FAM234A: variants seen among roughly 807,000 people sequenced by gnomAD.
The protein encoded by FAM234A is family with sequence similarity 234 member A.
FAM234A carries 42 observed loss-of-function variants against 49.1 expected under a neutral mutation model. The observed-to-expected ratio is 0.86, with a 90% confidence interval of 0.67 to 1.11. The LOEUF is 1.11. Ranked by LOEUF, FAM234A falls within the 50% of genes least tolerant of loss-of-function variation. FAM234A has a pLI of 0.00. For missense variants in FAM234A, 815 were observed against 745.2 expected, an observed-to-expected ratio of 1.09 and a Z score of -1.09; for synonymous variants, 369 against 316.2, an observed-to-expected ratio of 1.17 and a Z score of -1.77.
chr16:268,967 G>A, downstream of FAM234A: 2 of 1,546,022 alleles, frequency 1.3e-6, no homozygotes, highest in South Asian at 1.2e-5. Flanking sequence ...GACCAGAGAA[G>A]GTGGAGCTCC....
At chr16:238,782 A>AAAAAG (rs1168947575) in intron 1 of FAM234A, among the ~76,000 whole-genome samples, 1 of 137,484 alleles carries the variant, frequency 7.3e-6, no homozygotes, top group African/African-American at 2.8e-5. Flanking sequence ...AAAAAAAAAA[A>AAAAAG]AAAAGAAAAA....
chr16:266,170 T>A, downstream of FAM234A: 1 of 900,076 alleles, frequency 1.1e-6, no homozygotes, highest in South Asian at 5.1e-5. Context: ...TCAAATGGAT[T>A]TGTTCCTGGA....
At chr16:257,444 C>T (rs2051281367) in intron 3 of FAM234A, among the ~76,000 whole-genome samples, 1 of 151,724 alleles carries the variant, frequency 6.6e-6, no homozygotes, top group South Asian at 2.1e-4. Flanking sequence ...CGGGGTTTCA[C>T]CATATTGGCC....
chr16:269,439 C>G (rs2051814089), downstream of FAM234A: 1 of 1,587,056 alleles, frequency 6.3e-7, no homozygotes, highest in Admixed American at 1.7e-5. Context: ...CTGCCCACCT[C>G]ACTGCAGGGC....
intron 1 of FAM234A, among the ~76,000 whole-genome samples, chr16:237,845 A>G (rs2050455916): frequency 6.6e-6 from 1 of 151,104 alleles, no homozygotes; most frequent in Admixed American, 6.6e-5. Flanking sequence ...CTGGGACTAC[A>G]AGCACGTACT....
chr16:258,155 ATTTTTTT>A (rs577801424), intron 3 of FAM234A, among the ~76,000 whole-genome samples: 1 of 134,082 alleles, frequency 7.5e-6, no homozygotes, highest in Non-Finnish European at 1.6e-5. Flanking sequence ...CACCCGGCCT[ATTTTTTT>A]TTTTTTTTTT....
intron 11 of FAM234A, 88 bp downstream of exon 11, chr16:264,259 A>C (rs552345956): frequency 2.0e-5 from 27 of 1,351,076 alleles, no homozygotes; most frequent in Non-Finnish European, 2.5e-5. Context: ...CCAGAAGCTC[A>C]TCGGTGCCTG....
Position 265,298 on chromosome 16 carries a change from G to C in FAM234A, c.*276G>C. ...CCCACCAGGGTCCCGCTCACACCAGGCAGCCTTCATAGTGGTCTCCCTGGC... is the reference window on the plus strand; with the variant it reads ...CCCACCAGGGTCCCGCTCACACCAGCCAGCCTTCATAGTGGTCTCCCTGGC... On this transcript the variant is annotated 3_prime_UTR_variant, in exon 13 of 13. Transcript: ENST00000399932. 1 of 1,259,164 alleles carries C rather than the reference G, an allele frequency of 7.9e-7. No homozygotes were observed. Among genetic ancestry groups the C allele is most frequent in the Non-Finnish European group, 1.0e-6 (1 of 998,504 alleles). The allele number at this position is 1,259,164 out of a possible 1,614,324, so 78.0% of individuals were successfully genotyped here.
rs2051503257 is a variant in FAM234A at position 262,413 on chromosome 16, GT to G, written c.842-7del. ...CCCTGGTGACCTCGGGCCCTTCTGTGTTTTGAATAGCAAGCTCCCTCTGCGG... is the reference window on the plus strand; with the variant it reads ...CCCTGGTGACCTCGGGCCCTTCTGTGTTTGAATAGCAAGCTCCCTCTGCGG... On this transcript the variant is annotated splice_polypyrimidine_tract_variant and intron_variant, in intron 7 of 12. Coordinates refer to ENST00000399932, the MANE Select transcript of FAM234A (RefSeq NM_032039.4). The G allele has an allele frequency of 6.3e-7, 1 of 1,591,276 alleles. No homozygotes were observed. The highest frequency in any genetic ancestry group is 8.6e-7 in the Non-Finnish European group (1 of 1,168,048).
chr16:269,666 T>C, downstream of FAM234A: 4 of 1,116,856 alleles, frequency 3.6e-6, no homozygotes, highest in South Asian at 5.3e-5. Flanking sequence ...CAGCCAAACA[T>C]TGCTGGAGCC....
At chr16:263,882 C>G in intron 10 of FAM234A, 107 bp downstream of exon 10, 1 of 1,392,412 alleles carries the variant, frequency 7.2e-7, no homozygotes, top group Non-Finnish European at 1.0e-6. Flanking sequence ...GTCAGAGCTG[C>G]TGAGAAGGTT....
downstream of FAM234A, among the ~76,000 whole-genome samples, chr16:267,548 CCT>C (rs1197179676): frequency 4.0e-5 from 6 of 151,650 alleles, no homozygotes; most frequent in African/African-American, 1.5e-4. Context: ...CACATGCATG[CCT>C]CACAGTACAC....
chr16:244,682 CTTT>C (rs59549388), intron 1 of FAM234A, among the ~76,000 whole-genome samples: 3 of 86,738 alleles, frequency 3.5e-5, no homozygotes, highest in East Asian at 3.2e-4. Flanking sequence ...ATGGTAACCT[CTTT>C]TTTTTTTTTT....
intron 1 of FAM234A, among the ~76,000 whole-genome samples, chr16:240,622 C>T (rs1460506686): frequency 6.6e-6 from 1 of 152,066 alleles, no homozygotes; most frequent in Non-Finnish European, 1.5e-5. Flanking sequence ...CCTGCCTCAG[C>T]CTCCCTAGTA....
Position 264,943 on chromosome 16 carries a change from G to A in FAM234A, c.1580G>A (p.Arg527His), listed in dbSNP as rs201406358. ...RDLVPSSRVV[R>H]LGEGGPDSDQ... ...CTTGTCCCAAGCAGCAGGGTGGTCC[G>A]CCTGGGTGAGGGTGGGCCAGACAGT... Residue 527 changes from arginine (R) to histidine (H), a missense_variant, in exon 13 of 13, where the codon CGC becomes CAC. Transcript: ENST00000399932. The A allele has an allele frequency of 9.4e-5, 152 of 1,612,790 alleles. No individual in the cohort carries two copies. Among genetic ancestry groups the A allele is most frequent in the East Asian group, 1.8e-4 (8 of 44,888 alleles).
At chr16:235,580 C>T (rs2050371432) in intron 1 of FAM234A, among the ~76,000 whole-genome samples, 1 of 152,184 alleles carries the variant, frequency 6.6e-6, no homozygotes, top group Non-Finnish European at 1.5e-5. Flanking sequence ...GGTTCTAAAC[C>T]TTGTGATTCC....
At chr16:258,280 T>C (rs1381767332) in intron 3 of FAM234A, among the ~76,000 whole-genome samples, 2 of 152,124 alleles carry the variant, frequency 1.3e-5, no homozygotes, top group Non-Finnish European at 2.9e-5. Flanking sequence ...TCTCTGGTTT[T>C]CCTAGGCAGA....
intron 10 of FAM234A, 113 bp from the exon 11 acceptor site, chr16:263,903 C>CATCCT (rs2051586328): frequency 7.0e-7 from 1 of 1,418,472 alleles, no homozygotes; most frequent in East Asian, 2.3e-5. Context: ...CTGCCTCCCT[C>CATCCT]AGAGCATCTG....
At chr16:246,738 T>C (rs1054547382) in intron 1 of FAM234A, among the ~76,000 whole-genome samples, 10 of 149,612 alleles carry the variant, frequency 6.7e-5, no homozygotes, top group East Asian at 2.0e-4. Flanking sequence ...TTTTTTTTTT[T>C]CGATCGATTG....
Sources: gnomAD v4.1 joint callset for allele counts (sites outside exome capture counted in the v4.1 genomes callset) on GRCh38, gnomAD v4.1.1 for gene constraint, MANE v1.5 for transcripts, NCBI Gene and HGNC (gene_info 2026-07-23, HGNC 2026-07-21) for gene names.